The following TMOD2 variants were observed in gnomAD, a reference collection of about 807,000 sequenced individuals.
TMOD2 encodes the protein tropomodulin 2.
TMOD2 carries 22 observed loss-of-function variants against 39.9 expected under a neutral mutation model. That is an observed-to-expected ratio of 0.55 (90% CI 0.39 to 0.79). The LOEUF is 0.79. Ranked by LOEUF, TMOD2 falls within the 30% of genes least tolerant of loss-of-function variation. The pLI, the probability that TMOD2 is intolerant of heterozygous loss-of-function variation, is 0.00. For missense variants in TMOD2, 386 were observed against 413.3 expected (o/e 0.93, Z 0.57); for synonymous variants, 123 against 146.1 (o/e 0.84, Z 1.14).
intron 5 of TMOD2, among the ~76,000 whole-genome samples, chr15:51,778,507 TAAA>T (rs34176952): frequency 7.2e-6 from 1 of 138,940 alleles, no homozygotes; most frequent in Non-Finnish European, 1.6e-5. Flanking sequence ...AATTAAAAAT[TAAA>T]AAAAAAAAAA....
chr15:51,789,881 G>GCA (rs773020893), intron 7 of TMOD2, among the ~76,000 whole-genome samples: 1 of 152,198 alleles, frequency 6.6e-6, no homozygotes, highest in Non-Finnish European at 1.5e-5. Context: ...GAAATTTATA[G>GCA]CACTAAATGC....
chr15:51,763,169 G>A (rs2055793253), intron 1 of TMOD2, among the ~76,000 whole-genome samples: 1 of 152,134 alleles, frequency 6.6e-6, no homozygotes, highest in Non-Finnish European at 1.5e-5. Flanking sequence ...AAATTCCTGG[G>A]CTCAAGAAAT....
chr15:51,771,047 T>C (rs1161360854), intron 3 of TMOD2, among the ~76,000 whole-genome samples: 1 of 152,234 alleles, frequency 6.6e-6, no homozygotes, highest in Non-Finnish European at 1.5e-5. Context: ...GGAGTGGCTA[T>C]GGTAAATTAT....
intron 3 of TMOD2, among the ~76,000 whole-genome samples, chr15:51,772,154 A>T (rs997684418): frequency 1.3e-5 from 2 of 152,142 alleles, no homozygotes; most frequent in Admixed American, 1.3e-4. Flanking sequence ...TTCCTTTCCC[A>T]TAGGAGTGGG....
intron 1 of TMOD2, among the ~76,000 whole-genome samples, chr15:51,757,356 C>G (rs1293195956): frequency 7.1e-6 from 1 of 141,260 alleles, no homozygotes; most frequent in East Asian, 2.1e-4. Context: ...GAACGGAGAT[C>G]GCACCACTGC....
At chr15:51,791,370 G>GA (rs1214872803) in intron 7 of TMOD2, among the ~76,000 whole-genome samples, 1 of 152,118 alleles carries the variant, frequency 6.6e-6, no homozygotes, top group African/African-American at 2.4e-5. Context: ...ACAAACAAAT[G>GA]AAAAAACATT....
rs773624376 is a variant in TMOD2 at position 51,813,853 on chromosome 15, C to A, written c.*5399C>A. ...AAAGCGCCGTACAAATGTGAGAGAT[C>A]AGTTTTATTATCAAATCACTGTTTT... On this transcript the variant is annotated 3_prime_UTR_variant, in exon 10 of 10. Transcript: ENST00000249700. The A allele has an allele frequency of 6.6e-6, 1 of 152,156 alleles. No individual in the cohort carries two copies. The highest frequency in any genetic ancestry group is 1.5e-5 in the Non-Finnish European group (1 of 68,026). The allele number at this position is 152,156 out of a possible 1,614,324, so 9.4% of individuals were successfully genotyped here.
At chr15:51,804,409 T>C (rs1449503064) in intron 8 of TMOD2, among the ~76,000 whole-genome samples, 1 of 152,222 alleles carries the variant, frequency 6.6e-6, no homozygotes, top group East Asian at 1.9e-4. Flanking sequence ...AGTGATTGTG[T>C]AGATACGTGA....
chr15:51,778,038 G>A (rs1160314176), intron 5 of TMOD2, among the ~76,000 whole-genome samples: 5 of 151,328 alleles, frequency 3.3e-5, no homozygotes, highest in African/African-American at 9.7e-5. Context: ...ACATGCACAC[G>A]TATGTTTATT....
At chr15:51,774,040 C>T (rs1195058970) in intron 4 of TMOD2, among the ~76,000 whole-genome samples, 1 of 152,148 alleles carries the variant, frequency 6.6e-6, no homozygotes, top group Non-Finnish European at 1.5e-5. Flanking sequence ...CAAATAATAC[C>T]CATCTCACAA....
intron 8 of TMOD2, among the ~76,000 whole-genome samples, chr15:51,802,430 A>G (rs995675967): frequency 6.6e-6 from 1 of 152,232 alleles, no homozygotes; most frequent in African/African-American, 2.4e-5. Flanking sequence ...TCAAGGATGA[A>G]TAAGTGTGGA....
In TMOD2 at chr15:51,810,232, G is replaced by T. The variant is rs2056147433; in HGVS notation, c.*1778G>T. Reference sequence around the variant, plus strand: ...GGCTTGCCAACTGTTATATTTTCAAGAATTTTGCAAACTGGTTGTTCAATA... The same window carrying T: ...GGCTTGCCAACTGTTATATTTTCAATAATTTTGCAAACTGGTTGTTCAATA... On this transcript the variant is annotated 3_prime_UTR_variant, in exon 10 of 10. Transcript: ENST00000249700. The T allele has an allele frequency of 6.6e-6, 1 of 152,250 alleles. No individual in the cohort carries two copies. Among genetic ancestry groups the T allele is most frequent in the East Asian group, 1.9e-4 (1 of 5,186 alleles). 9.4% of individuals were successfully genotyped at this position (152,250 alleles called of 1,614,324 possible). A position where few individuals can be genotyped will look rare whatever the true frequency, so the allele number is the denominator to read the frequency against.
At chr15:51,785,376 C>CA (rs1239627509) in intron 7 of TMOD2, among the ~76,000 whole-genome samples, 1 of 135,538 alleles carries the variant, frequency 7.4e-6, no homozygotes, top group Non-Finnish European at 1.5e-5. Flanking sequence ...GGCGCCACTG[C>CA]ACTCCAGCCT....
chr15:51,780,905 G>C (rs1322074370), intron 5 of TMOD2, 139 bp from the exon 6 acceptor site: 4 of 670,022 alleles, frequency 6.0e-6, no homozygotes, highest in African/African-American at 1.8e-5. Flanking sequence ...TGCTTGCTTA[G>C]CTGAGAATAC....
chr15:51,792,291 T>C (rs1326459141), intron 7 of TMOD2, among the ~76,000 whole-genome samples: 5 of 152,120 alleles, frequency 3.3e-5, no homozygotes, highest in Non-Finnish European at 7.4e-5. Context: ...ATCAGAGAAA[T>C]GCAAATCAAA....
intron 9 of TMOD2, 27 bp from the exon 10 acceptor site, chr15:51,808,393 C>G (rs771277142): frequency 6.2e-7 from 1 of 1,602,170 alleles, no homozygotes; most frequent in Non-Finnish European, 8.5e-7. Flanking sequence ...TTCAATTTGT[C>G]TTTTTGTTCC....
At chr15:51,792,578 G>A (rs1396915753) in intron 7 of TMOD2, among the ~76,000 whole-genome samples, 5 of 151,972 alleles carry the variant, frequency 3.3e-5, no homozygotes, top group South Asian at 2.1e-4. Context: ...TGTTTATCGC[G>A]GCACTATTCA....
chr15:51,753,385 T>G (rs1480785366), intron 1 of TMOD2, among the ~76,000 whole-genome samples: 2 of 152,164 alleles, frequency 1.3e-5, no homozygotes, highest in Non-Finnish European at 2.9e-5. Context: ...CTACTGCGAG[T>G]CTCCCGTTGT....
Position 51,781,034 on chromosome 15 carries a change from T to C in TMOD2, c.494-10T>C, listed in dbSNP as rs772215529. 1.3e-6 allele frequency: 2 copies of C among 1,573,264 alleles called. No homozygotes were observed. The highest frequency in any genetic ancestry group is 4.1e-5 in the Admixed American group (2 of 48,984). ...CTTTGCATTTTTTAAAATGAAAACT[T>C]GTGTTTTAGATGTTGTCAAAGGTGA... is the stretch of plus-strand genomic sequence containing the variant. On this transcript the variant is annotated splice_polypyrimidine_tract_variant and intron_variant, in intron 5 of 9. Coordinates refer to ENST00000249700, the MANE Select transcript of TMOD2 (RefSeq NM_014548.4).
Sources: allele counts gnomAD v4.1 joint callset (sites outside exome capture counted in the v4.1 genomes callset), GRCh38; gene constraint gnomAD v4.1.1; transcripts MANE v1.5; gene names NCBI Gene and HGNC (gene_info 2026-07-23, HGNC 2026-07-21).